Variants in PARD3B observed in about 807,000 individuals in gnomAD.
PARD3B encodes the protein par-3 family cell polarity regulator beta, also known as partitioning defective 3 homolog B.
In PARD3B, 103 loss-of-function variants were observed where a neutral mutation model predicts 130.2. The observed-to-expected ratio is 0.79, with a 90% confidence interval of 0.67 to 0.93. The LOEUF (loss-of-function observed/expected upper bound fraction) is 0.93, where lower values mean the gene tolerates loss of function less well. Ranked by LOEUF, PARD3B falls within the 40% of genes least tolerant of loss-of-function variation. The probability of loss-of-function intolerance (pLI) is 0.00; values close to 1 mark genes in which losing one functional copy is unlikely to be tolerated. For missense variants in PARD3B, 1,609 were observed against 1,499.2 expected (o/e 1.07, Z -1.21); for synonymous variants, 583 against 553.2 (o/e 1.05, Z -0.76).
chr2:204,968,463 T>C (rs941650918), intron 3 of PARD3B, among the ~76,000 whole-genome samples: 11 of 152,238 alleles, frequency 7.2e-5, no homozygotes, highest in African/African-American at 2.4e-4. Context: ...TGCATATTCA[T>C]ATTCCCAGGC....
rs1011795455 is a variant in PARD3B, at chr2:205,300,301, A to G, written c.2186-229A>G. Among the ~76,000 whole-genome samples the G allele has an allele frequency of 2.0e-5, 3 of 152,130 alleles. No individual in the cohort carries two copies. The highest frequency in any genetic ancestry group is 7.2e-5 in the African/African-American group (3 of 41,424). ...CTTCTGCATAGAGAGAAATGTACCT[A>G]TAGTCATATTAAATTTTATCACAGC... is the stretch of plus-strand genomic sequence containing the variant. On this transcript the variant is annotated intron_variant, in intron 16 of 22. Coordinates refer to ENST00000406610, the MANE Select transcript of PARD3B (RefSeq NM_001302769.2). This position sits in a 1 kb window ranked among gnomAD's most constrained non-coding sequence, Gnocchi z 4.1.
intron 3 of PARD3B, among the ~76,000 whole-genome samples, chr2:205,022,284 T>C (rs1696673859): frequency 6.6e-6 from 1 of 152,198 alleles, no homozygotes; most frequent in African/African-American, 2.4e-5. Flanking sequence ...TATCTATGAC[T>C]GGATTGTAAC....
intron 18 of PARD3B, among the ~76,000 whole-genome samples, chr2:205,346,266 G>T (rs1272738491): frequency 2.0e-5 from 3 of 151,810 alleles, no homozygotes; most frequent in Non-Finnish European, 2.9e-5. Context: ...AAATTAGGCT[G>T]CCTGGCCCCC....
At position 205,160,561 on chromosome 2, in the gene PARD3B, G is replaced by A. The variant is rs1029503702; in HGVS notation, c.1620+1654G>A. Among the ~76,000 whole-genome samples the A allele has an allele frequency of 6.6e-6, 1 of 152,230 alleles. No homozygotes were observed. Among genetic ancestry groups the A allele is most frequent in the Non-Finnish European group, 1.5e-5 (1 of 68,046 alleles). ...CCAGCCACGATGAAGTTATGGCAAA[G>A]ATGTAGATACAGAGAAGGGTAAAGA... On this transcript the variant is annotated intron_variant, in intron 11 of 22. Transcript: ENST00000406610. The surrounding 1 kb of genome is among the most constrained non-coding windows in gnomAD (Gnocchi z 4.0).
chr2:205,113,422 G>T, intron 5 of PARD3B, 69 bp from the exon 6 acceptor site: 2 of 859,128 alleles, frequency 2.3e-6, no homozygotes, highest in Non-Finnish European at 3.8e-6. Flanking sequence ...GTGTGTGTGT[G>T]TATTTTAGAT....
intron 2 of PARD3B, among the ~76,000 whole-genome samples, chr2:204,712,119 A>G (rs530979242): frequency 6.6e-6 from 1 of 152,356 alleles, no homozygotes; most frequent in African/African-American, 2.4e-5. Flanking sequence ...GAGGGCATTT[A>G]TATCATACCA....
chr2:205,272,817 G>A (rs537824754), intron 16 of PARD3B, among the ~76,000 whole-genome samples: 21 of 152,226 alleles, frequency 1.4e-4, no homozygotes, highest in South Asian at 4.1e-4. Flanking sequence ...TGCTTCATCC[G>A]TGTCTTATTA....
rs966625742 is a variant in PARD3B, at chr2:205,584,778, A to G, written c.3261-30678A>G. Among the ~76,000 whole-genome samples, 6 of 152,216 alleles carry G rather than the reference A, an allele frequency of 3.9e-5. No homozygotes were observed. The highest frequency in any genetic ancestry group is 7.3e-5 in the Non-Finnish European group (5 of 68,036). ...GTAGACTGTCAAAGAGGCTCCATCT[A>G]TAAATGGTGATGGTAGCTTCTGTTG... On this transcript the variant is annotated intron_variant, in intron 22 of 22. Coordinates refer to ENST00000406610, the MANE Select transcript of PARD3B (RefSeq NM_001302769.2). This position sits in a 1 kb window ranked among gnomAD's most constrained non-coding sequence, Gnocchi z 5.5.
rs1261873920 is a variant in PARD3B, at chr2:205,380,363, AG to A, written c.2631-20649del. Reference sequence around the variant, plus strand: ...AGAATATATAATATATAATATATAAAGAATATATATTATATATAATATATAA... The same window carrying A: ...AGAATATATAATATATAATATATAAAAATATATATTATATATAATATATAA... On this transcript the variant is annotated intron_variant, in intron 18 of 22. Transcript: ENST00000406610. 1.8e-4 allele frequency among the ~76,000 whole-genome samples: 5 copies of A among 28,170 alleles called. 2 individuals are homozygous for A. The highest frequency in any genetic ancestry group is 2.8e-4 in the African/African-American group (2 of 7,068). The allele number at this position is 28,170 out of a possible 152,430, so 18.5% of individuals were successfully genotyped here.
chr2:205,408,074 A>G (rs1047717038), intron 19 of PARD3B, among the ~76,000 whole-genome samples: 1 of 152,198 alleles, frequency 6.6e-6, no homozygotes, highest in Non-Finnish European at 1.5e-5. Context: ...GTGAGAGTGA[A>G]GCTAAGATTT....
At chr2:205,376,838 G>A (rs1156406846) in intron 18 of PARD3B, among the ~76,000 whole-genome samples, 1 of 152,198 alleles carries the variant, frequency 6.6e-6, no homozygotes, top group African/African-American at 2.4e-5. Flanking sequence ...GCTGTAAATT[G>A]ATGGGTGTCC....
chr2:205,390,601 T>C (rs2045823653), intron 18 of PARD3B, among the ~76,000 whole-genome samples: 1 of 152,226 alleles, frequency 6.6e-6, no homozygotes, highest in South Asian at 2.1e-4. Flanking sequence ...TGGAGCCCAA[T>C]CATTTTATTC....
chr2:204,764,715 C>CGTGTGTGTGTGT (rs10522212), intron 2 of PARD3B, among the ~76,000 whole-genome samples: 60,136 of 145,482 alleles, frequency 0.41, 14,275 homozygotes, highest in East Asian at 0.58. Flanking sequence ...GGCATGCATG[C>CGTGTGTGTGTGT]GTGTGTGTGT....
rs1272355212 is a variant in PARD3B, at chr2:205,575,063, C to A, written c.3260+21660C>A. Among the ~76,000 whole-genome samples, 1 of 141,522 alleles carries A rather than the reference C, an allele frequency of 7.1e-6. No homozygotes were observed. The highest frequency in any genetic ancestry group is 1.5e-5 in the Non-Finnish European group (1 of 66,022). 92.8% of individuals were successfully genotyped at this position (141,522 alleles called of 152,430 possible). Reference sequence around the variant, plus strand: ...GCAAGGCATGATCCACATCAAAATACATTATATACACATTTAAATAGACAC... The same window carrying A: ...GCAAGGCATGATCCACATCAAAATAAATTATATACACATTTAAATAGACAC... On this transcript the variant is annotated intron_variant, in intron 22 of 22. Transcript: ENST00000406610. The surrounding 1 kb of genome is among the most constrained non-coding windows in gnomAD (Gnocchi z 4.6).
At chr2:205,393,179 T>A (rs1483173854) in intron 18 of PARD3B, among the ~76,000 whole-genome samples, 1 of 152,194 alleles carries the variant, frequency 6.6e-6, no homozygotes, top group Non-Finnish European at 1.5e-5. Context: ...GAACCCAATT[T>A]AGAATACATC....
intron 18 of PARD3B, among the ~76,000 whole-genome samples, chr2:205,400,637 G>C: frequency 6.6e-6 from 1 of 150,606 alleles, no homozygotes; most frequent in Non-Finnish European, 1.5e-5. Context: ...GTGAGACGCT[G>C]TCTCAAAAAA....
At chr2:205,588,244 T>G (rs1014572142) in intron 22 of PARD3B, among the ~76,000 whole-genome samples, 6 of 152,220 alleles carry the variant, frequency 3.9e-5, no homozygotes, top group Non-Finnish European at 5.9e-5. Context: ...TTTTAGTACT[T>G]TGTATTTTTC....
At position 205,047,595 on chromosome 2, in the gene PARD3B, G is replaced by A. The variant is rs1236818858; in HGVS notation, c.409G>A (p.Val137Met). Residue 137 changes from valine to methionine, a missense_variant, in exon 4 of 23, where the codon GTG becomes ATG. Coordinates refer to ENST00000406610, the MANE Select transcript of PARD3B (RefSeq NM_001302769.2). ...TTGTCTTCCAGGCACTCCACTGCTG[G>A]TGAGGAGAAGCAGTGACCCAGTGCC... ...SALKLGTPLLVRRSSDPVPGP... is the reference protein window; with the variant it reads ...SALKLGTPLLMRRSSDPVPGP... 1.3e-6 allele frequency: 2 copies of A among 1,549,628 alleles called. No individual in the cohort carries two copies. The highest frequency in any genetic ancestry group is 1.7e-6 in the Non-Finnish European group (2 of 1,146,436).
intron 18 of PARD3B, among the ~76,000 whole-genome samples, chr2:205,385,646 T>C (rs2045635380): frequency 6.6e-6 from 1 of 152,088 alleles, no homozygotes; most frequent in South Asian, 2.1e-4. Context: ...CATCAGATAA[T>C]GGTACCATTG....
Sources: allele counts gnomAD v4.1 joint callset (sites outside exome capture counted in the v4.1 genomes callset), GRCh38; gene constraint gnomAD v4.1.1; non-coding constraint Gnocchi (gnomAD v3.1); transcripts MANE v1.5; gene names NCBI Gene and HGNC (gene_info 2026-07-23, HGNC 2026-07-21).